VRK2: variants seen among roughly 807,000 people sequenced by gnomAD.
The protein encoded by VRK2 is serine/threonine-protein kinase VRK2.
A neutral mutation model predicts 57.6 loss-of-function variants in VRK2; 60 were observed. The observed-to-expected ratio is 1.04, with a 90% CI of 0.85 to 1.29. VRK2 has a LOEUF of 1.29. Among genes scored for constraint, VRK2 ranks in the 50% most tolerant of loss-of-function variants. VRK2 has a pLI of 0.00. For missense variants in VRK2, 705 were observed against 588.1 expected (o/e 1.20, Z -2.06); for synonymous variants, 231 against 199.2 (o/e 1.16, Z -1.35).
intron 1 of VRK2, among the ~76,000 whole-genome samples, chr2:57,908,515 A>G (rs1026464553): frequency 2.6e-5 from 4 of 152,046 alleles, no homozygotes; most frequent in African/African-American, 9.7e-5. Flanking sequence ...ATGGATGAAA[A>G]CATTAAAAAA....
Position 57,972,710 on chromosome 2 carries a change from C to T in VRK2, c.-438-52955C>T, listed in dbSNP as rs565099896. On this transcript the variant is annotated intron_variant, in intron 1 of 15. Coordinates refer to the VRK2 transcript ENST00000417641. ...TTAAAAAGTCAAATCTATAAAGAAA[C>T]GAAACATATAAATTTGTTTATCTTA... Among the ~76,000 whole-genome samples, 12 of 151,792 alleles carry T rather than the reference C, an allele frequency of 7.9e-5. No individual in the cohort carries two copies. The South Asian group carries it at 8.3e-4, about 10-fold the overall frequency.
chr2:58,082,110 G>T (rs1465599612), intron 2 of VRK2, among the ~76,000 whole-genome samples: 1 of 151,772 alleles, frequency 6.6e-6, no homozygotes, highest in Admixed American at 6.6e-5. Context: ...GAAGCTTATA[G>T]AGAATATTGT....
chr2:58,003,448 T>C (rs2103628837), intron 1 of VRK2, among the ~76,000 whole-genome samples: 1 of 152,282 alleles, frequency 6.6e-6, no homozygotes, highest in South Asian at 2.1e-4. Flanking sequence ...TGTATCAATA[T>C]TATCTCTATT....
intron 1 of VRK2, among the ~76,000 whole-genome samples, chr2:58,006,744 C>T (rs1363915982): frequency 6.6e-6 from 1 of 152,082 alleles, no homozygotes; most frequent in Non-Finnish European, 1.5e-5. Flanking sequence ...TGGCCTTGAA[C>T]TGACCTATGG....
chr2:57,961,643 C>T (rs1351386776), intron 1 of VRK2, among the ~76,000 whole-genome samples: 2 of 128,548 alleles, frequency 1.6e-5, no homozygotes, highest in Non-Finnish European at 3.1e-5. Context: ...CCACTTATTA[C>T]TCTGATTAAT....
chr2:58,086,252 G>T (rs1671608837), intron 4 of VRK2, 87 bp from the exon 5 acceptor site: 9 of 1,166,678 alleles, frequency 7.7e-6, no homozygotes, highest in Admixed American at 7.5e-5. Flanking sequence ...TACTTTTTTG[G>T]TTAGCTAAAT....
intron 7 of VRK2, among the ~76,000 whole-genome samples, chr2:58,120,412 A>T (rs955219620): frequency 6.6e-6 from 1 of 151,524 alleles, no homozygotes; most frequent in Non-Finnish European, 1.5e-5. Context: ...GCTGGTCTTG[A>T]ACTCCTGACC....
chr2:58,099,799 A>G (rs1673699811), intron 7 of VRK2, among the ~76,000 whole-genome samples: 1 of 152,088 alleles, frequency 6.6e-6, no homozygotes, highest in South Asian at 2.1e-4. Context: ...CAGCACTGCC[A>G]TTAAGCAGAA....
At chr2:57,945,240 T>C (rs1033567170) in intron 1 of VRK2, among the ~76,000 whole-genome samples, 2 of 152,196 alleles carry the variant, frequency 1.3e-5, no homozygotes, top group Non-Finnish European at 2.9e-5. Flanking sequence ...TGATATGCTC[T>C]AGATCCTGAA....
chr2:57,964,540 CA>C (rs1260535623), intron 1 of VRK2, among the ~76,000 whole-genome samples: 2 of 152,052 alleles, frequency 1.3e-5, no homozygotes, highest in Non-Finnish European at 2.9e-5. Context: ...TGGACTCATG[CA>C]GTGCAAAACT....
chr2:57,933,052 G>C (rs1670782562), intron 1 of VRK2, among the ~76,000 whole-genome samples: 1 of 151,862 alleles, frequency 6.6e-6, no homozygotes, highest in African/African-American at 2.4e-5. Context: ...TATGGTTTCA[G>C]TCTTCTTAAA....
chr2:58,093,499 T>C (rs561416329), intron 7 of VRK2, among the ~76,000 whole-genome samples: 2 of 152,296 alleles, frequency 1.3e-5, no homozygotes, highest in Non-Finnish European at 2.9e-5. Context: ...TTGCCCACTT[T>C]TTGATGGGGT....
At chr2:57,974,783 A>C (rs1672197923) in intron 1 of VRK2, among the ~76,000 whole-genome samples, 1 of 151,908 alleles carries the variant, frequency 6.6e-6, no homozygotes, top group Admixed American at 6.6e-5. Context: ...AGAATTAATG[A>C]AGATAAAAGC....
intron 2 of VRK2, among the ~76,000 whole-genome samples, chr2:58,053,304 C>T (rs987705100): frequency 3.9e-5 from 6 of 152,164 alleles, no homozygotes; most frequent in African/African-American, 1.4e-4. Context: ...AAGAATAACA[C>T]ATTATTATAA....
At chr2:58,073,525 C>T (rs1212470923) in intron 2 of VRK2, among the ~76,000 whole-genome samples, 1 of 151,500 alleles carries the variant, frequency 6.6e-6, no homozygotes, top group African/African-American at 2.4e-5. Flanking sequence ...TTATGTCTTC[C>T]TGAAGAATTG....
At chr2:58,023,594 G>T (rs1032230553) in intron 1 of VRK2, among the ~76,000 whole-genome samples, 11 of 150,618 alleles carry the variant, frequency 7.3e-5, no homozygotes, top group African/African-American at 2.7e-4. Context: ...CCTAAAAATT[G>T]CTAACAAATT....
intron 1 of VRK2, among the ~76,000 whole-genome samples, chr2:57,931,986 T>C (rs1229313172): frequency 1.3e-5 from 2 of 152,126 alleles, no homozygotes; most frequent in East Asian, 3.8e-4. Flanking sequence ...ATACGTCTGT[T>C]TTTATGGCAG....
At chr2:58,113,772 T>C (rs1675955681) in intron 7 of VRK2, among the ~76,000 whole-genome samples, 1 of 152,176 alleles carries the variant, frequency 6.6e-6, no homozygotes, top group Non-Finnish European at 1.5e-5. Context: ...TTTTCACTTT[T>C]GTGATTCTTC....
upstream of VRK2, chr2:58,046,664 C>A: frequency 2.0e-6 from 2 of 985,632 alleles, no homozygotes; most frequent in South Asian, 4.7e-5. Context: ...CTGAAAGGAA[C>A]CGGCTGCGGC....
Sources: allele counts gnomAD v4.1 joint callset (sites outside exome capture counted in the v4.1 genomes callset), GRCh38; gene constraint gnomAD v4.1.1; transcripts MANE v1.5; gene names NCBI Gene and HGNC (gene_info 2026-07-23, HGNC 2026-07-21).